TENM2: variants seen among roughly 807,000 people sequenced by gnomAD.
The protein encoded by TENM2 is teneurin-2.
TENM2 carries 52 observed loss-of-function variants against 245.2 expected under a neutral mutation model. The observed-to-expected ratio is 0.21, with a 90% CI of 0.17 to 0.27. The LOEUF (loss-of-function observed/expected upper bound fraction) is 0.27. TENM2 is among the 10% of genes least tolerant of loss of function. The pLI is 1.00. For synonymous variants in TENM2, 1,363 were observed against 1,438.9 expected, an observed-to-expected ratio of 0.95 and a Z score of 1.19; for missense variants, 3,046 against 3,666.8, an observed-to-expected ratio of 0.83 and a Z score of 4.37.
At chr5:167,929,065 GAAAGAAAGAAAGAAA>G (rs1778024706) in intron 3 of TENM2, among the ~76,000 whole-genome samples, 1 of 4,928 alleles carries the variant, frequency 2.0e-4, no homozygotes, top group African/African-American at 2.2e-3. Context: ...AAGAGAGAAA[GAAAGAAAGAAAGAAA>G]GAAAGAAAGA....
At chr5:167,849,888 C>T (rs1303835631) in intron 2 of TENM2, among the ~76,000 whole-genome samples, 3 of 152,182 alleles carry the variant, frequency 2.0e-5, no homozygotes, top group Non-Finnish European at 4.4e-5. Context: ...GTATGCCACC[C>T]TCCAGGAACT....
At chr5:167,291,090 C>G (rs1044261192) in intron 1 of TENM2, among the ~76,000 whole-genome samples, 3 of 152,092 alleles carry the variant, frequency 2.0e-5, no homozygotes, top group African/African-American at 7.2e-5. Context: ...AACTGTTATC[C>G]TCCCAGTAAT....
At chr5:167,386,858 C>T (rs1761458265) in intron 2 of TENM2, among the ~76,000 whole-genome samples, 1 of 151,966 alleles carries the variant, frequency 6.6e-6, no homozygotes, top group Admixed American at 6.6e-5. Flanking sequence ...CTATTCTGTC[C>T]CATTTTTATA....
chr5:167,087,722 C>T, the TENM2 span, among the ~76,000 whole-genome samples: 18 of 151,636 alleles, frequency 1.2e-4, no homozygotes, highest in African/African-American at 3.6e-4. Flanking sequence ...AGCAGAGACA[C>T]GATTCTGAGT....
intron 10 of TENM2, among the ~76,000 whole-genome samples, chr5:168,120,091 C>T (rs1460100039): frequency 6.6e-6 from 1 of 152,180 alleles, no homozygotes; most frequent in Non-Finnish European, 1.5e-5. Context: ...CCTTGTGAAA[C>T]CCCGCATTTC....
intron 2 of TENM2, among the ~76,000 whole-genome samples, chr5:167,523,491 A>T (rs1381361331): frequency 5.3e-5 from 8 of 152,028 alleles, no homozygotes; most frequent in Non-Finnish European, 8.8e-5. Context: ...ATATCAGGGG[A>T]TTTTACACAT....
At chr5:167,773,845 G>T (rs1763562240) in intron 2 of TENM2, among the ~76,000 whole-genome samples, 1 of 152,220 alleles carries the variant, frequency 6.6e-6, no homozygotes, top group East Asian at 1.9e-4. Context: ...CTGTGGCACA[G>T]ATGTTGTGGC....
At chr5:167,859,752 C>T (rs1771535557) in intron 2 of TENM2, among the ~76,000 whole-genome samples, 1 of 99,606 alleles carries the variant, frequency 1.0e-5, no homozygotes, top group Non-Finnish European at 2.0e-5. Context: ...AGCCCCCCGC[C>T]CGGCCAGCCG....
At chr5:167,999,187 G>C (rs1784260940) in intron 5 of TENM2, among the ~76,000 whole-genome samples, 2 of 152,124 alleles carry the variant, frequency 1.3e-5, no homozygotes, top group South Asian at 4.1e-4. Flanking sequence ...TCATCCTCCT[G>C]TATGAATTCC....
intron 14 of TENM2, among the ~76,000 whole-genome samples, chr5:168,194,684 C>CA (rs1234258639): frequency 6.6e-6 from 1 of 152,032 alleles, no homozygotes; most frequent in Non-Finnish European, 1.5e-5. Flanking sequence ...TAGAGGGCAG[C>CA]AAAAGACAAT....
At chr5:167,897,594 G>A (rs537680736) in intron 3 of TENM2, among the ~76,000 whole-genome samples, 1 of 152,274 alleles carries the variant, frequency 6.6e-6, no homozygotes, top group African/African-American at 2.4e-5. Flanking sequence ...TTATCTGCCT[G>A]CCAGGTCACA....
At chr5:168,113,962 A>G (rs1794874124) in intron 9 of TENM2, among the ~76,000 whole-genome samples, 1 of 152,242 alleles carries the variant, frequency 6.6e-6, no homozygotes, top group Admixed American at 6.5e-5. Flanking sequence ...CCCACACCAG[A>G]AAAGACTGGA....
chr5:168,230,023 A>G (rs969267253), intron 25 of TENM2, among the ~76,000 whole-genome samples: 3 of 152,224 alleles, frequency 2.0e-5, no homozygotes, highest in Admixed American at 1.3e-4. Flanking sequence ...AAGTTTTCCA[A>G]ATAAAGATAA....
At chr5:167,047,991 CT>C in the TENM2 span, among the ~76,000 whole-genome samples, 1 of 152,098 alleles carries the variant, frequency 6.6e-6, no homozygotes, top group Admixed American at 6.5e-5. Context: ...ACAGCTTGCT[CT>C]TTTTGTGTAA....
chr5:167,537,794 A>G (rs1771945012), intron 2 of TENM2, among the ~76,000 whole-genome samples: 1 of 152,212 alleles, frequency 6.6e-6, no homozygotes, highest in South Asian at 2.1e-4. Context: ...GAAATGTAGA[A>G]GGATGAAGAT....
At chr5:168,180,917 A>G (rs1445493725) in intron 13 of TENM2, among the ~76,000 whole-genome samples, 2 of 152,016 alleles carry the variant, frequency 1.3e-5, no homozygotes, top group African/African-American at 4.8e-5. Flanking sequence ...TTTAAAAAAA[A>G]AAAAAATGCA....
chr5:167,462,674 A>G (rs1380610171), intron 2 of TENM2, among the ~76,000 whole-genome samples: 2 of 151,608 alleles, frequency 1.3e-5, no homozygotes, highest in Admixed American at 6.6e-5. Context: ...TTCCTTCTCT[A>G]CTGTCCTTCT....
At chr5:168,201,405 A>G (rs988210489) in intron 17 of TENM2, among the ~76,000 whole-genome samples, 6 of 152,182 alleles carry the variant, frequency 3.9e-5, no homozygotes, top group East Asian at 3.9e-4. Flanking sequence ...ATTAAAAAGT[A>G]GACTAAATAT....
At chr5:167,366,982 TA>T (rs1760095511) in intron 1 of TENM2, among the ~76,000 whole-genome samples, 1 of 152,216 alleles carries the variant, frequency 6.6e-6, no homozygotes, top group East Asian at 1.9e-4. Flanking sequence ...ATTTCATTTT[TA>T]TTTATGAACT....
Sources: gnomAD v4.1 joint callset for allele counts (sites outside exome capture counted in the v4.1 genomes callset) on GRCh38, gnomAD v4.1.1 for gene constraint, MANE v1.5 for transcripts, NCBI Gene and HGNC (gene_info 2026-07-23, HGNC 2026-07-21) for gene names.